CLSTN2: variants seen among roughly 807,000 people sequenced by gnomAD.
The protein encoded by CLSTN2 is calsyntenin 2.
A neutral mutation model predicts 101.2 loss-of-function variants in CLSTN2; 48 were observed. That is an observed-to-expected ratio of 0.47 (90% CI 0.38 to 0.60). The LOEUF (loss-of-function observed/expected upper bound fraction) is 0.60, where lower values mean the gene tolerates loss of function less well. CLSTN2 is among the 20% of genes least tolerant of loss of function. CLSTN2 has a pLI of 0.00. For synonymous variants in CLSTN2, 481 were observed against 463.6 expected (o/e 1.04, Z -0.48); for missense variants, 1,160 against 1,238.2 (o/e 0.94, Z 0.95).
At chr3:140,028,667 G>A (rs1228010152) in intron 1 of CLSTN2, among the ~76,000 whole-genome samples, 1 of 152,222 alleles carries the variant, frequency 6.6e-6, no homozygotes, top group Non-Finnish European at 1.5e-5. Flanking sequence ...ACTGCCTATG[G>A]AGCATGAACT....
In CLSTN2 at chr3:139,979,739, A is replaced by C. The variant is rs137977002; in HGVS notation, c.109+44256A>C. On this transcript the variant is annotated intron_variant, in intron 1 of 16. Coordinates refer to ENST00000458420, the MANE Select transcript of CLSTN2 (RefSeq NM_022131.3). ...GAGGAATACTATTTAATTTTTGAAA[A>C]TCAAGATGAACTCTTTACTCTGCTT... Among the ~76,000 whole-genome samples the C allele has an allele frequency of 2.5e-3, 381 of 152,088 alleles. 3 individuals are homozygous for C. The highest frequency in any genetic ancestry group is 7.8e-3 in the African/African-American group (325 of 41,504).
At chr3:140,255,881 G>T (rs1238273052) in intron 2 of CLSTN2, among the ~76,000 whole-genome samples, 1 of 152,148 alleles carries the variant, frequency 6.6e-6, no homozygotes, top group Non-Finnish European at 1.5e-5. Context: ...TATAACCAGG[G>T]TGCTGACACT....
chr3:140,207,086 T>G (rs1224513482), intron 2 of CLSTN2, among the ~76,000 whole-genome samples: 1 of 152,208 alleles, frequency 6.6e-6, no homozygotes, highest in Non-Finnish European at 1.5e-5. Context: ...GACTCCTTTC[T>G]TCACATCTTC....
chr3:140,313,002 G>A (rs1002829142), intron 2 of CLSTN2, among the ~76,000 whole-genome samples: 2 of 152,150 alleles, frequency 1.3e-5, no homozygotes, highest in African/African-American at 4.8e-5. Context: ...ACATTTTAAA[G>A]AAGCAATGCA....
chr3:140,034,728 C>T (rs559998531), intron 1 of CLSTN2, among the ~76,000 whole-genome samples: 76 of 152,324 alleles, frequency 5.0e-4, no homozygotes, highest in African/African-American at 1.8e-3. Context: ...TGATAGCAAT[C>T]AACTCTTTTC....
chr3:140,232,350 T>G (rs1414306526), intron 2 of CLSTN2, among the ~76,000 whole-genome samples: 1 of 152,168 alleles, frequency 6.6e-6, no homozygotes, highest in Non-Finnish European at 1.5e-5. Flanking sequence ...ATGCTTGACA[T>G]TGAATGTTAG....
At chr3:140,093,289 T>C (rs1247737787) in intron 1 of CLSTN2, among the ~76,000 whole-genome samples, 1 of 152,062 alleles carries the variant, frequency 6.6e-6, no homozygotes. Flanking sequence ...ACAATTGAAG[T>C]AATAAACAAT....
chr3:140,531,988 T>C (rs966264486), intron 8 of CLSTN2, among the ~76,000 whole-genome samples: 1 of 152,106 alleles, frequency 6.6e-6, no homozygotes, highest in Non-Finnish European at 1.5e-5. Flanking sequence ...TAAAAGGTTG[T>C]GAAAGGGTGC....
chr3:140,225,788 C>T (rs557353982), intron 2 of CLSTN2, among the ~76,000 whole-genome samples: 19 of 152,248 alleles, frequency 1.2e-4, no homozygotes, highest in Admixed American at 1.0e-3. Context: ...AGCCACTGCA[C>T]CCGGCCTTGA....
At chr3:140,418,318 G>A (rs551394838) in intron 4 of CLSTN2, among the ~76,000 whole-genome samples, 30 of 152,126 alleles carry the variant, frequency 2.0e-4, no homozygotes, top group African/African-American at 7.2e-4. Flanking sequence ...AACAATAATT[G>A]AGGAGAAATG....
At chr3:140,013,824 G>A (rs1236352853) in intron 1 of CLSTN2, among the ~76,000 whole-genome samples, 1 of 152,142 alleles carries the variant, frequency 6.6e-6, no homozygotes, top group Non-Finnish European at 1.5e-5. Flanking sequence ...GGTGGGGGCA[G>A]CCTCCACCTC....
At chr3:139,978,225 T>C (rs1935853850) in intron 1 of CLSTN2, among the ~76,000 whole-genome samples, 1 of 152,222 alleles carries the variant, frequency 6.6e-6, no homozygotes, top group South Asian at 2.1e-4. Flanking sequence ...CCAGGCACCC[T>C]GTTAGACCTT....
intron 1 of CLSTN2, among the ~76,000 whole-genome samples, chr3:139,973,715 T>G (rs1203233408): frequency 6.6e-6 from 1 of 152,134 alleles, no homozygotes; most frequent in Non-Finnish European, 1.5e-5. Flanking sequence ...CACGGCTCAT[T>G]GCAGCCTTGA....
intron 8 of CLSTN2, among the ~76,000 whole-genome samples, chr3:140,516,861 A>G (rs1408081236): frequency 1.3e-5 from 2 of 152,156 alleles, no homozygotes; most frequent in African/African-American, 4.8e-5. Context: ...AGCTTTTTGT[A>G]TTTGGATGTC....
intron 1 of CLSTN2, among the ~76,000 whole-genome samples, chr3:139,972,340 C>T (rs962544384): frequency 3.9e-5 from 6 of 152,036 alleles, no homozygotes; most frequent in African/African-American, 1.4e-4. Flanking sequence ...CTCTTTCAGG[C>T]ATCCTAAAAG....
intron 2 of CLSTN2, among the ~76,000 whole-genome samples, chr3:140,333,421 T>C (rs747896508): frequency 1.3e-5 from 2 of 152,138 alleles, no homozygotes; most frequent in Middle Eastern, 3.2e-3. Flanking sequence ...TCTAACATGA[T>C]AGGCTTGTAT....
At chr3:140,043,811 G>T (rs879198753) in intron 1 of CLSTN2, among the ~76,000 whole-genome samples, 2 of 152,054 alleles carry the variant, frequency 1.3e-5, no homozygotes, top group Admixed American at 6.6e-5. Flanking sequence ...TTTTTGTCAG[G>T]TTTGTCAAAG....
At chr3:140,552,908 T>A (rs1487181506) in intron 10 of CLSTN2, among the ~76,000 whole-genome samples, 1 of 152,138 alleles carries the variant, frequency 6.6e-6, no homozygotes. Context: ...TTTTAAAACA[T>A]AGATGGTATT....
intron 1 of CLSTN2, among the ~76,000 whole-genome samples, chr3:139,952,673 G>A (rs918584221): frequency 1.3e-5 from 2 of 152,150 alleles, no homozygotes; most frequent in Non-Finnish European, 2.9e-5. Context: ...CTAGGGCATG[G>A]TGTTCTTGCA....
Sources: gnomAD v4.1 joint callset for allele counts (sites outside exome capture counted in the v4.1 genomes callset) on GRCh38, gnomAD v4.1.1 for gene constraint, MANE v1.5 for transcripts, NCBI Gene and HGNC (gene_info 2026-07-23, HGNC 2026-07-21) for gene names.